Variants in DNAJC1 observed in about 807,000 individuals in gnomAD.
The protein encoded by DNAJC1 is DnaJ heat shock protein family (Hsp40) member C1.
In DNAJC1, 58 loss-of-function variants were observed where a neutral mutation model predicts 76.6. The observed-to-expected ratio is 0.76, with a 90% CI of 0.61 to 0.94. DNAJC1 has a LOEUF of 0.94. DNAJC1 is among the 40% of genes least tolerant of loss of function. DNAJC1 has a pLI of 0.00. For synonymous variants in DNAJC1, 258 were observed against 267.9 expected (o/e 0.96, Z 0.36); for missense variants, 689 against 677.3 (o/e 1.02, Z -0.19).
rs533847708 is a variant in DNAJC1 at position 21,945,441 on chromosome 10, G to A, written c.223-16300C>T. Reference sequence around the variant, plus strand: ...ACTGATGAGAAAGATATAGTTGAGAGAGGACTTTAAATATAGGTGACAGAT... The same window carrying A: ...ACTGATGAGAAAGATATAGTTGAGAAAGGACTTTAAATATAGGTGACAGAT... On this transcript the variant is annotated intron_variant, in intron 1 of 11. Transcript: ENST00000376980. Among the ~76,000 whole-genome samples the A allele has an allele frequency of 5.3e-5, 8 of 152,284 alleles. No individual in the cohort carries two copies. The East Asian group carries it at 7.7e-4, about 15-fold the overall frequency.
chr10:21,814,573 G>T (rs1195457672), intron 8 of DNAJC1, among the ~76,000 whole-genome samples: 1 of 152,156 alleles, frequency 6.6e-6, no homozygotes, highest in Non-Finnish European at 1.5e-5. Flanking sequence ...GGGATCAGGT[G>T]GGTTGTCTTA....
chr10:21,814,459 G>T (rs1835041556), intron 8 of DNAJC1, among the ~76,000 whole-genome samples: 1 of 152,228 alleles, frequency 6.6e-6, no homozygotes, highest in African/African-American at 2.4e-5. Context: ...TAATGAGCAT[G>T]AAAAGAGAAA....
Position 21,759,153 on chromosome 10 carries a change from C to CT in DNAJC1, c.1596+16dup, listed in dbSNP as rs1564778603. The CT allele has an allele frequency of 1.2e-6, 2 of 1,605,414 alleles. No homozygotes were observed. The highest frequency in any genetic ancestry group is 1.3e-5 in the African/African-American group (1 of 74,702). On this transcript the variant is annotated intron_variant, in intron 11 of 11. Transcript: ENST00000376980. ...GATTCTAACACCTGTGCAGAGGCCT[C>CT]TTTCCCCATCACTCACCTTGCTCTT...
chr10:21,774,843 A>G (rs1014580446), intron 9 of DNAJC1, among the ~76,000 whole-genome samples: 3 of 152,218 alleles, frequency 2.0e-5, no homozygotes, highest in African/African-American at 7.2e-5. Flanking sequence ...CCCAGTAAAC[A>G]AATTCCAATG....
chr10:21,926,667 TTAGAG>T (rs1453472658), intron 3 of DNAJC1, among the ~76,000 whole-genome samples: 1 of 152,146 alleles, frequency 6.6e-6, no homozygotes, highest in Non-Finnish European at 1.5e-5. Context: ...GGCACAAGCT[TTAGAG>T]GAGTGATTCT....
At chr10:21,999,407 T>C (rs1445748274) in intron 1 of DNAJC1, among the ~76,000 whole-genome samples, 2 of 151,504 alleles carry the variant, frequency 1.3e-5, no homozygotes, top group Non-Finnish European at 2.9e-5. Flanking sequence ...TACTGGTCGT[T>C]CCTGCTCTAT....
At chr10:21,980,782 T>G (rs535288209) in intron 1 of DNAJC1, among the ~76,000 whole-genome samples, 1 of 152,240 alleles carries the variant, frequency 6.6e-6, no homozygotes, top group African/African-American at 2.4e-5. Context: ...AAATGAAAAA[T>G]TATACATAAA....
intron 8 of DNAJC1, among the ~76,000 whole-genome samples, chr10:21,830,291 T>G (rs1176073024): frequency 6.6e-6 from 1 of 152,228 alleles, no homozygotes; most frequent in Non-Finnish European, 1.5e-5. Flanking sequence ...GGTCCATGAG[T>G]GGCAAACTGC....
chr10:21,904,683 T>A, intron 6 of DNAJC1, 71 bp from the exon 7 acceptor site: 1 of 956,756 alleles, frequency 1.0e-6, no homozygotes, highest in Non-Finnish European at 1.6e-6. Context: ...CCATGTAACT[T>A]AACTTTAAAG....
chr10:21,937,266 A>T (rs1837324271), intron 1 of DNAJC1, among the ~76,000 whole-genome samples: 1 of 152,172 alleles, frequency 6.6e-6, no homozygotes, highest in Non-Finnish European at 1.5e-5. Flanking sequence ...TCAAAAGTGA[A>T]TGGATGAAAA....
intron 8 of DNAJC1, among the ~76,000 whole-genome samples, chr10:21,845,553 C>T (rs1835644646): frequency 6.6e-6 from 1 of 152,002 alleles, no homozygotes; most frequent in Admixed American, 6.6e-5. Flanking sequence ...CAGGGTTTCA[C>T]CATGTTGGCC....
At chr10:21,880,184 C>T (rs1393756648) in intron 8 of DNAJC1, among the ~76,000 whole-genome samples, 1 of 152,198 alleles carries the variant, frequency 6.6e-6, no homozygotes, top group East Asian at 1.9e-4. Context: ...CTTCAGGCTC[C>T]ACTTCTAATT....
chr10:21,916,154 T>C (rs35950656), intron 6 of DNAJC1, among the ~76,000 whole-genome samples: 2,428 of 152,256 alleles, frequency 0.016, 27 homozygotes, highest in Non-Finnish European at 0.023. Context: ...GTATAGTTTA[T>C]GCCAGAAAGA....
At chr10:21,793,266 A>C (rs1834712527) in intron 9 of DNAJC1, among the ~76,000 whole-genome samples, 1 of 152,176 alleles carries the variant, frequency 6.6e-6, no homozygotes, top group African/African-American at 2.4e-5. Flanking sequence ...AGATTGTGCC[A>C]TTGCTCTCCA....
chr10:21,816,292 G>A (rs919914347), intron 8 of DNAJC1, among the ~76,000 whole-genome samples: 1 of 151,850 alleles, frequency 6.6e-6, no homozygotes, highest in Admixed American at 6.6e-5. Flanking sequence ...CCAAAGAGGA[G>A]GAGGTTGTAA....
chr10:21,835,347 C>T (rs1012889564), intron 8 of DNAJC1, among the ~76,000 whole-genome samples: 3 of 152,050 alleles, frequency 2.0e-5, no homozygotes, highest in East Asian at 1.9e-4. Context: ...CATGAAAGAC[C>T]AAAGGTAGAT....
intron 9 of DNAJC1, among the ~76,000 whole-genome samples, chr10:21,803,476 T>C (rs1311574231): frequency 2.0e-5 from 3 of 152,118 alleles, no homozygotes; most frequent in Non-Finnish European, 2.9e-5. Flanking sequence ...CTTAACATTA[T>C]ACTAGAGAAA....
rs376513036 is a variant in DNAJC1, at chr10:21,811,626, A to T, written c.979-5527T>A. 2.6e-5 allele frequency among the ~76,000 whole-genome samples: 4 copies of T among 152,304 alleles called. No homozygotes were observed. The East Asian group carries it at 5.8e-4, about 22-fold the overall frequency. ...TTAAAAATGAAAAGGAAGACCACAA[A>T]CTAGCAGCAAATATTCTCAACACAT... On this transcript the variant is annotated intron_variant, in intron 8 of 11. Coordinates refer to ENST00000376980, the MANE Select transcript of DNAJC1 (RefSeq NM_022365.4).
intron 9 of DNAJC1, among the ~76,000 whole-genome samples, chr10:21,797,610 A>T (rs534452081): frequency 6.6e-6 from 1 of 152,324 alleles, no homozygotes; most frequent in Non-Finnish European, 1.5e-5. Context: ...ACCTTTAAGA[A>T]GCAATTAGCT....
Sources: gnomAD v4.1 joint callset for allele counts (sites outside exome capture counted in the v4.1 genomes callset) on GRCh38, gnomAD v4.1.1 for gene constraint, MANE v1.5 for transcripts, NCBI Gene and HGNC (gene_info 2026-07-23, HGNC 2026-07-21) for gene names.